Variants in SHOC2 observed in about 807,000 individuals in gnomAD.
The protein encoded by SHOC2 is leucine-rich repeat protein SHOC-2.
Under a neutral mutation model 50.2 loss-of-function variants are expected in SHOC2, and 4 were observed. That is an observed-to-expected ratio of 0.08 (90% CI 0.04 to 0.18). SHOC2 has a LOEUF of 0.18. Among genes scored for constraint, SHOC2 ranks in the 10% least tolerant of loss-of-function variants. The pLI, the probability that SHOC2 is intolerant of heterozygous loss-of-function variation, is 1.00. For missense variants in SHOC2, 388 were observed against 669.6 expected, an observed-to-expected ratio of 0.58 and a Z score of 4.64; for synonymous variants, 218 against 244.5, an observed-to-expected ratio of 0.89 and a Z score of 1.01.
At chr10:111,000,315 C>A (rs1016046554) in intron 3 of SHOC2, 100 bp from the exon 4 acceptor site, 27 of 1,195,194 alleles carry the variant, frequency 2.3e-5, no homozygotes, top group Admixed American at 1.2e-4. Flanking sequence ...TGAAACAGTA[C>A]TTTGAAGTAA....
intron 1 of SHOC2, among the ~76,000 whole-genome samples, chr10:110,920,542 C>T (rs747668104): frequency 6.4e-4 from 98 of 152,072 alleles, no homozygotes; most frequent in Non-Finnish European, 1.2e-3. Flanking sequence ...TTTTTCTTTT[C>T]TTCCTTCCTT....
At chr10:110,994,632 G>A (rs1273611163) in intron 3 of SHOC2, among the ~76,000 whole-genome samples, 1 of 152,092 alleles carries the variant, frequency 6.6e-6, no homozygotes, top group East Asian at 1.9e-4. Context: ...ATATGGGGGA[G>A]GGGAGAAGCA....
At chr10:111,000,278 C>T (rs1028087718) in intron 3 of SHOC2, 137 bp from the exon 4 acceptor site, 2 of 750,480 alleles carry the variant, frequency 2.7e-6, no homozygotes, top group Middle Eastern at 7.0e-4. Context: ...AGTGTGAGTT[C>T]CTTGTGCTAG....
At chr10:110,968,196 T>G (rs12266042) in intron 2 of SHOC2, among the ~76,000 whole-genome samples, 10,987 of 152,244 alleles carry the variant, frequency 0.072, 794 homozygotes, top group East Asian at 0.31. Context: ...TAGTTTTGTT[T>G]TGCAGTTCCC....
chr10:110,925,179 A>G (rs988237720), intron 1 of SHOC2, among the ~76,000 whole-genome samples: 4 of 151,584 alleles, frequency 2.6e-5, no homozygotes, highest in Admixed American at 6.6e-5. Context: ...CTTAGAATTC[A>G]TGGTAAAGTT....
At chr10:111,008,872 G>A (rs1369137940) in intron 6 of SHOC2, among the ~76,000 whole-genome samples, 1 of 152,030 alleles carries the variant, frequency 6.6e-6, no homozygotes, top group Non-Finnish European at 1.5e-5. Flanking sequence ...ATAATAAATA[G>A]AGTGGATTGA....
intron 1 of SHOC2, among the ~76,000 whole-genome samples, chr10:110,953,900 A>C (rs1207966846): frequency 6.6e-6 from 1 of 151,152 alleles, no homozygotes; most frequent in Non-Finnish European, 1.5e-5. Context: ...TTAATTATAT[A>C]TAATTATTAC....
At chr10:110,969,865 A>G (rs1847746202) in intron 2 of SHOC2, among the ~76,000 whole-genome samples, 1 of 152,174 alleles carries the variant, frequency 6.6e-6, no homozygotes, top group Admixed American at 6.5e-5. Context: ...TTCATTTACA[A>G]AGCAATTCTC....
At chr10:111,010,118 A>G (rs1016677792) in intron 8 of SHOC2, among the ~76,000 whole-genome samples, 7 of 152,156 alleles carry the variant, frequency 4.6e-5, no homozygotes, top group African/African-American at 1.2e-4. Flanking sequence ...AAGTTATTTT[A>G]TATTCCTTCT....
At chr10:110,936,095 ATT>A (rs11422342) in intron 1 of SHOC2, among the ~76,000 whole-genome samples, 7 of 129,844 alleles carry the variant, frequency 5.4e-5, no homozygotes, top group Admixed American at 7.8e-5. Flanking sequence ...TGCTTCACTG[ATT>A]TTTTTTTTTT....
intron 1 of SHOC2, among the ~76,000 whole-genome samples, chr10:110,943,257 C>CTT (rs544078658): frequency 7.7e-5 from 11 of 143,194 alleles, no homozygotes; most frequent in Admixed American, 2.1e-4. Flanking sequence ...TTTCTTTATT[C>CTT]TTTTTTTTTT....
At chr10:110,971,350 A>G (rs146088175) in intron 2 of SHOC2, among the ~76,000 whole-genome samples, 6 of 152,210 alleles carry the variant, frequency 3.9e-5, no homozygotes, top group African/African-American at 1.2e-4. Flanking sequence ...TTTATCAAGT[A>G]TCAGTTGGCT....
chr10:110,927,923 A>G (rs1240043714), intron 1 of SHOC2, among the ~76,000 whole-genome samples: 4 of 152,242 alleles, frequency 2.6e-5, no homozygotes, highest in Non-Finnish European at 4.4e-5. Flanking sequence ...TTAAAACACA[A>G]TACTCTTTTA....
At chr10:110,985,062 C>A (rs1253434146) in intron 2 of SHOC2, among the ~76,000 whole-genome samples, 2 of 152,082 alleles carry the variant, frequency 1.3e-5, no homozygotes, top group African/African-American at 4.8e-5. Flanking sequence ...AGAAGATTAT[C>A]TTGATCCATT....
intron 1 of SHOC2, among the ~76,000 whole-genome samples, chr10:110,954,746 C>G (rs1389890651): frequency 6.6e-6 from 1 of 152,044 alleles, no homozygotes; most frequent in Non-Finnish European, 1.5e-5. Context: ...TCAGAGAAGG[C>G]TTTATTTAAG....
intron 1 of SHOC2, among the ~76,000 whole-genome samples, chr10:110,932,216 G>A (rs1374210316): frequency 6.6e-6 from 1 of 152,184 alleles, no homozygotes; most frequent in Non-Finnish European, 1.5e-5. Flanking sequence ...TGCAAGATGG[G>A]AAGTATTAGA....
chr10:110,932,749 C>T (rs145528524), intron 1 of SHOC2, among the ~76,000 whole-genome samples: 2 of 152,262 alleles, frequency 1.3e-5, no homozygotes, highest in African/African-American at 4.8e-5. Flanking sequence ...TTTTTTCTTG[C>T]TTTACTCACT....
chr10:110,962,059 G>A (rs1040444339), intron 1 of SHOC2, among the ~76,000 whole-genome samples: 3 of 151,984 alleles, frequency 2.0e-5, no homozygotes, highest in South Asian at 2.1e-4. Flanking sequence ...CTCAGGTCAC[G>A]TATTTTCTTT....
At chr10:110,988,525 A>C (rs942796278) in intron 3 of SHOC2, among the ~76,000 whole-genome samples, 3 of 152,100 alleles carry the variant, frequency 2.0e-5, no homozygotes, top group African/African-American at 7.2e-5. Context: ...ATATCTGTAG[A>C]ATCTATAGTA....
Sources: gnomAD v4.1 joint callset for allele counts (sites outside exome capture counted in the v4.1 genomes callset) on GRCh38, gnomAD v4.1.1 for gene constraint, MANE v1.5 for transcripts, NCBI Gene and HGNC (gene_info 2026-07-23, HGNC 2026-07-21) for gene names.